Variants in ADAM2 observed in about 807,000 individuals in gnomAD.
ADAM2 encodes disintegrin and metalloproteinase domain-containing protein 2.
ADAM2 carries 101 observed loss-of-function variants against 99.3 expected under a neutral mutation model. The observed-to-expected ratio is 1.02, with a 90% CI of 0.87 to 1.20. The LOEUF (loss-of-function observed/expected upper bound fraction) is 1.20, where lower values mean the gene tolerates loss of function less well. ADAM2 is among the 50% of genes most tolerant of loss of function. The pLI is 0.00. For missense variants in ADAM2, 948 were observed against 878.7 expected (o/e 1.08, Z -1.00); for synonymous variants, 323 against 287.6 (o/e 1.12, Z -1.25).
rs146941165 is a variant in ADAM2 at position 39,766,807 on chromosome 8, GA to G, written c.1507+40del. The G allele has an allele frequency of 1.3e-5, 19 of 1,421,962 alleles. No homozygotes were observed. The Admixed American group carries it at 2.2e-4, about 17-fold the overall frequency. 88.1% of individuals were successfully genotyped at this position (1,421,962 alleles called of 1,614,324 possible). ...AGCATCTATTTCTGTTCAGTTTCCA[GA>G]AAAAAACGCATATATGAGAAATCAA... On this transcript the variant is annotated intron_variant, in intron 14 of 20. Coordinates refer to ENST00000265708, the MANE Select transcript of ADAM2 (RefSeq NM_001464.5).
At chr8:39,763,270 G>A (rs1210895592) in intron 14 of ADAM2, among the ~76,000 whole-genome samples, 1 of 152,150 alleles carries the variant, frequency 6.6e-6, no homozygotes, top group Non-Finnish European at 1.5e-5. Context: ...AGATAGGTTG[G>A]TCATAGCATC....
At chr8:39,786,949 CT>C in intron 10 of ADAM2, 24 bp downstream of exon 10, 1 of 1,501,650 alleles carries the variant, frequency 6.7e-7, no homozygotes. Context: ...ATGTAGCATA[CT>C]TTCTATACAT....
chr8:39,777,255 T>C (rs1803030280), intron 10 of ADAM2, 94 bp from the exon 11 acceptor site: 1 of 972,766 alleles, frequency 1.0e-6, no homozygotes. Flanking sequence ...TAAAATGGAA[T>C]AGGGGCATCT....
chr8:39,809,332 TA>T (rs1804592099), intron 7 of ADAM2, 77 bp downstream of exon 7: 4 of 686,630 alleles, frequency 5.8e-6, no homozygotes, highest in Non-Finnish European at 1.0e-5. Context: ...TCTTTTCTGT[TA>T]AAAATATATT....
intron 6 of ADAM2, among the ~76,000 whole-genome samples, chr8:39,814,523 A>G (rs1804857799): frequency 6.6e-6 from 1 of 152,214 alleles, no homozygotes; most frequent in African/African-American, 2.4e-5. Flanking sequence ...CTAGTCAGAA[A>G]TATCAGAGAA....
chr8:39,758,262 A>G (rs979913236), intron 15 of ADAM2, among the ~76,000 whole-genome samples: 1 of 152,168 alleles, frequency 6.6e-6, no homozygotes, highest in African/African-American at 2.4e-5. Flanking sequence ...GGGCCACCAT[A>G]TCTGAAATTT....
intron 18 of ADAM2, among the ~76,000 whole-genome samples, chr8:39,749,018 T>G (rs996472907): frequency 6.6e-6 from 1 of 152,140 alleles, no homozygotes; most frequent in African/African-American, 2.4e-5. Flanking sequence ...CTGATTAATC[T>G]TCTCATCTAT....
chr8:39,810,661 G>C (rs1267748165), intron 6 of ADAM2, among the ~76,000 whole-genome samples: 1 of 151,366 alleles, frequency 6.6e-6, no homozygotes, highest in African/African-American at 2.4e-5. Flanking sequence ...CATGGAAACT[G>C]AACAACCTGC....
At chr8:39,837,813 G>A (rs943334997) in intron 1 of ADAM2, among the ~76,000 whole-genome samples, 3 of 152,144 alleles carry the variant, frequency 2.0e-5, no homozygotes, top group African/African-American at 7.2e-5. Flanking sequence ...TCTTCAACTA[G>A]AGAGTACAGA....
intron 16 of ADAM2, among the ~76,000 whole-genome samples, chr8:39,752,260 AAATAGTCTGGGGAGGT>A (rs1212931987): frequency 1.3e-5 from 2 of 151,932 alleles, no homozygotes; most frequent in Non-Finnish European, 2.9e-5. Context: ...AACTTTCAAT[AAATAGTCTGGGGAGGT>A]ACATCAGAAA....
At chr8:39,808,958 G>A in intron 7 of ADAM2, among the ~76,000 whole-genome samples, 1 of 151,920 alleles carries the variant, frequency 6.6e-6, no homozygotes, top group Middle Eastern at 3.4e-3. Flanking sequence ...TAAACATATT[G>A]ATCACTTATT....
intron 3 of ADAM2, among the ~76,000 whole-genome samples, chr8:39,833,136 T>C (rs1032409439): frequency 6.6e-6 from 1 of 152,166 alleles, no homozygotes; most frequent in African/African-American, 2.4e-5. Context: ...GGATTCTATG[T>C]CAGTTTGCTC....
Position 39,809,426 on chromosome 8 carries a change from A to G in ADAM2, c.554T>C (p.Ile185Thr). 2 of 1,377,038 alleles carry G rather than the reference A, an allele frequency of 1.5e-6. No homozygotes were observed. Among genetic ancestry groups the G allele is most frequent in the South Asian group, 1.2e-5 (1 of 80,668 alleles). 85.3% of individuals were successfully genotyped at this position (1,377,038 alleles called of 1,614,324 possible). A position where few individuals can be genotyped will look rare whatever the true frequency, so the allele number is the denominator to read the frequency against. The change falls in exon 7 of 21, where the codon ATA becomes ACA. Residue 185 changes from isoleucine (I) to threonine (T), a missense_variant. Coordinates refer to ENST00000265708, the MANE Select transcript of ADAM2 (RefSeq NM_001464.5). ...DFAKYIEMHV[I>T]VEKQLYNHMG... ...TATACTTACCAATTGTTTTTCAACTATAACATGCATTTCTATATACTTTGC... is the reference window on the plus strand; with the variant it reads ...TATACTTACCAATTGTTTTTCAACTGTAACATGCATTTCTATATACTTTGC...
chr8:39,796,978 C>T (rs907078967), intron 7 of ADAM2, among the ~76,000 whole-genome samples: 2 of 151,930 alleles, frequency 1.3e-5, no homozygotes, highest in Non-Finnish European at 2.9e-5. Flanking sequence ...AAATTTTCTC[C>T]CACTCTGTAC....
chr8:39,789,314 A>G (rs886169842), intron 7 of ADAM2, among the ~76,000 whole-genome samples: 10 of 151,800 alleles, frequency 6.6e-5, no homozygotes, highest in Non-Finnish European at 1.2e-4. Flanking sequence ...GCTTTCAATA[A>G]TAGAATACCT....
chr8:39,762,336 T>C (rs1429853384), intron 14 of ADAM2, among the ~76,000 whole-genome samples: 2 of 152,220 alleles, frequency 1.3e-5, no homozygotes, highest in Admixed American at 6.5e-5. Flanking sequence ...AGGCTGGTTA[T>C]GGGTAAGAAG....
At chr8:39,801,307 T>C (rs1388815023) in intron 7 of ADAM2, among the ~76,000 whole-genome samples, 1 of 152,158 alleles carries the variant, frequency 6.6e-6, no homozygotes, top group East Asian at 1.9e-4. Flanking sequence ...GGGGGTTCAC[T>C]TCAGACCCTA....
At chr8:39,792,284 A>G (rs978482987) in intron 7 of ADAM2, among the ~76,000 whole-genome samples, 3 of 152,148 alleles carry the variant, frequency 2.0e-5, no homozygotes, top group South Asian at 2.1e-4. Flanking sequence ...AATGGCTTTT[A>G]TGAGGAATGT....
chr8:39,765,026 AAAATAAATAAAT>A (rs61653294), intron 14 of ADAM2, among the ~76,000 whole-genome samples: 27,967 of 145,140 alleles, frequency 0.19, 2,944 homozygotes, highest in East Asian at 0.27. Context: ...CCGGCTCCAA[AAAATAAATAAAT>A]AAATAAATAA....
Sources: gnomAD v4.1 joint callset for allele counts (sites outside exome capture counted in the v4.1 genomes callset) on GRCh38, gnomAD v4.1.1 for gene constraint, MANE v1.5 for transcripts, NCBI Gene and HGNC (gene_info 2026-07-23, HGNC 2026-07-21) for gene names.